The following CDH2 variants were observed in gnomAD, a reference collection of about 807,000 sequenced individuals.
CDH2 encodes the protein cadherin-2.
CDH2 carries 17 observed loss-of-function variants against 92.0 expected under a neutral mutation model. That is an observed-to-expected ratio of 0.18 (90% confidence interval 0.13 to 0.28). CDH2 has a LOEUF of 0.28. CDH2 is among the 10% of genes least tolerant of loss of function. CDH2 has a pLI of 1.00. For missense variants in CDH2, 862 were observed against 1,133.1 expected (o/e 0.76, Z 3.44); for synonymous variants, 419 against 415.9 (o/e 1.01, Z -0.09).
chr18:28,045,062 C>T (rs593887), intron 2 of CDH2, among the ~76,000 whole-genome samples: 141,982 of 152,156 alleles, frequency 0.93, 66,660 homozygotes, highest in African/African-American at 0.99. Context: ...AAAATTAACA[C>T]CCACATTCCT....
intron 2 of CDH2, among the ~76,000 whole-genome samples, chr18:28,121,148 C>A (rs775370450): frequency 7.2e-5 from 11 of 152,124 alleles, no homozygotes; most frequent in Non-Finnish European, 1.3e-4. Context: ...CGCAAGAAAT[C>A]CTTAGCCTTC....
chr18:27,952,184 A>C lies in CDH2; in HGVS notation c.2690T>G (p.Leu897Arg). ...LNDWGPRFKK[L>R]ADMYGGGDD ...ATCACCTCCACCATACATGTCAGCA[A>C]GTTTCTTGAACCGTGGCCCCCAGTC... Residue 897 changes from leucine (L) to arginine (R), a missense_variant, in exon 16 of 16, where the codon CTT becomes CGT. Around this residue, in one of 5 missense-constraint regions of CDH2, gnomAD observed 114 missense variants for 144.8 expected, o/e 0.79. Coordinates refer to ENST00000269141, the MANE Select transcript of CDH2 (RefSeq NM_001792.5). 6.2e-7 allele frequency: 1 copy of C among 1,613,666 alleles called. No individual in the cohort carries two copies.
In CDH2 at chr18:28,006,719, A is replaced by G. The variant is rs2012933941; in HGVS notation, c.703-726T>C. ...GGTGACAGAGTGGGACTCTGTCTCA[A>G]AAAAAAAAAAAAAAAAAAGAAGTGG... On this transcript the variant is annotated intron_variant, in intron 5 of 15. Coordinates refer to ENST00000269141, the MANE Select transcript of CDH2 (RefSeq NM_001792.5). Among the ~76,000 whole-genome samples the G allele has an allele frequency of 3.8e-5, 3 of 78,520 alleles. No individual in the cohort carries two copies. In the South Asian group the frequency reaches 1.8e-3, roughly 48 times the overall value. The allele number at this position is 78,520 out of a possible 152,430, so 51.5% of individuals were successfully genotyped here. A position where few individuals can be genotyped will look rare whatever the true frequency, so the allele number is the denominator to read the frequency against.
chr18:28,067,750 C>T (rs2014537452), intron 2 of CDH2, among the ~76,000 whole-genome samples: 1 of 152,082 alleles, frequency 6.6e-6, no homozygotes, highest in Admixed American at 6.6e-5. Context: ...GCACCATCTC[C>T]TCAAAGTAAA....
chr18:28,109,205 C>T (rs2015370893), intron 2 of CDH2, among the ~76,000 whole-genome samples: 1 of 152,124 alleles, frequency 6.6e-6, no homozygotes, highest in Admixed American at 6.5e-5. Context: ...TCCATAGAAA[C>T]AAGGTATCTA....
intron 14 of CDH2, among the ~76,000 whole-genome samples, chr18:27,978,019 A>T (rs2011907545): frequency 6.6e-6 from 1 of 152,178 alleles, no homozygotes; most frequent in South Asian, 2.1e-4. Flanking sequence ...CTTACTTCAC[A>T]CTACAAAGAA....
intron 2 of CDH2, among the ~76,000 whole-genome samples, chr18:28,089,838 G>A (rs1421883562): frequency 6.6e-6 from 1 of 152,160 alleles, no homozygotes; most frequent in Admixed American, 6.5e-5. Context: ...TGTGAACAGT[G>A]CCAGGAATAC....
chr18:28,038,730 T>C (rs964227155), intron 2 of CDH2, among the ~76,000 whole-genome samples: 40 of 152,266 alleles, frequency 2.6e-4, no homozygotes, highest in African/African-American at 9.4e-4. Context: ...CAAAATGTAC[T>C]GATGTCAGCC....
intron 2 of CDH2, among the ~76,000 whole-genome samples, chr18:28,113,957 T>C (rs1369682561): frequency 6.6e-6 from 1 of 152,178 alleles, no homozygotes; most frequent in Non-Finnish European, 1.5e-5. Flanking sequence ...AAAGACTATC[T>C]AAAACAAGAG....
At chr18:28,176,902 G>A (rs1290005790) in intron 1 of CDH2, 61 bp downstream of exon 1, 4 of 1,023,608 alleles carry the variant, frequency 3.9e-6, no homozygotes, top group Non-Finnish European at 4.9e-6. Context: ...GGGGAACAAA[G>A]GGACCCGGCG....
intron 2 of CDH2, among the ~76,000 whole-genome samples, chr18:28,036,743 A>G (rs1381699207): frequency 3.3e-5 from 5 of 152,170 alleles, no homozygotes; most frequent in Non-Finnish European, 7.4e-5. Flanking sequence ...CATCTGATTC[A>G]CTGATCCCTT....
chr18:28,100,096 C>T lies in CDH2; in HGVS notation c.172+47577G>A, dbSNP rs539894634. On this transcript the variant is annotated intron_variant, in intron 2 of 15. Transcript: ENST00000269141. ...GGCACTGGATAAACACCACATGTGA[C>T]GGTTAATTTTATGGGTCAATGTGGC... 2.2e-3 allele frequency among the ~76,000 whole-genome samples: 335 copies of T among 152,254 alleles called. 2 individuals carry two copies. The highest frequency in any genetic ancestry group is 7.0e-3 in the African/African-American group (289 of 41,554).
chr18:28,083,387 G>A (rs1468913136), intron 2 of CDH2, among the ~76,000 whole-genome samples: 2 of 151,986 alleles, frequency 1.3e-5, no homozygotes, highest in Non-Finnish European at 2.9e-5. Flanking sequence ...TGTTGTGCCA[G>A]GAAAAACCTG....
At chr18:28,122,170 C>T (rs549921372) in intron 2 of CDH2, among the ~76,000 whole-genome samples, 4 of 152,196 alleles carry the variant, frequency 2.6e-5, no homozygotes, top group Middle Eastern at 3.4e-3. Flanking sequence ...CTAATTTATA[C>T]CTATGTTTTA....
intron 2 of CDH2, among the ~76,000 whole-genome samples, chr18:28,082,286 T>C (rs1294356183): frequency 2.0e-5 from 3 of 149,036 alleles, no homozygotes; most frequent in Non-Finnish European, 4.4e-5. Flanking sequence ...TGGCTCACAC[T>C]TACATTCCCA....
At chr18:28,119,472 A>T (rs1055066717) in intron 2 of CDH2, among the ~76,000 whole-genome samples, 6 of 152,134 alleles carry the variant, frequency 3.9e-5, no homozygotes, top group African/African-American at 1.4e-4. Context: ...TTAAAGATTA[A>T]AATTCTAGAA....
intron 1 of CDH2, among the ~76,000 whole-genome samples, chr18:28,174,624 C>T (rs1474073977): frequency 6.6e-6 from 1 of 152,138 alleles, no homozygotes; most frequent in Non-Finnish European, 1.5e-5. Flanking sequence ...TTATTTAATG[C>T]TTATAAACGA....
At chr18:28,056,076 T>C (rs1216560382) in intron 2 of CDH2, among the ~76,000 whole-genome samples, 1 of 99,768 alleles carries the variant, frequency 1.0e-5, no homozygotes, top group Non-Finnish European at 2.2e-5. Context: ...GTATAAAAGA[T>C]TTTTTTTTTT....
chr18:27,945,863 T>G (rs1598978361), intron 6 of CDH2, among the ~76,000 whole-genome samples: 1 of 152,256 alleles, frequency 6.6e-6, no homozygotes, highest in South Asian at 2.1e-4. Context: ...GAAATGAAAG[T>G]TTTAGGACAT....
Sources: gnomAD v4.1 joint callset for allele counts (sites outside exome capture counted in the v4.1 genomes callset) on GRCh38, gnomAD v4.1.1 for gene constraint, gnomAD v4.1.1 regional missense constraint, MANE v1.5 for transcripts, NCBI Gene and HGNC (gene_info 2026-07-23, HGNC 2026-07-21) for gene names.